ARID5A: variants seen among roughly 807,000 people sequenced by gnomAD.
ARID5A encodes AT-rich interactive domain-containing protein 5A.
In ARID5A, 14 loss-of-function variants were observed where a neutral mutation model predicts 30.5. The ratio of observed to expected loss-of-function variants is 0.46; its 90% CI spans 0.30 to 0.72. The LOEUF is 0.72. Ranked by LOEUF, ARID5A falls within the 30% of genes least tolerant of loss-of-function variation. The pLI is 0.07. For missense variants in ARID5A, 669 were observed against 786.2 expected, an observed-to-expected ratio of 0.85 and a Z score of 1.78; for synonymous variants, 338 against 340.4, an observed-to-expected ratio of 0.99 and a Z score of 0.08.
In ARID5A at chr2:96,550,477, T is replaced by TCGG. The variant is rs2066014344; in HGVS notation, c.411-94_411-92dup. 2 of 1,467,530 alleles carry TCGG rather than the reference T, an allele frequency of 1.4e-6. No individual in the cohort carries two copies. The allele number at this position is 1,467,530 out of a possible 1,614,324, so 90.9% of individuals were successfully genotyped here. On this transcript the variant is annotated intron_variant, in intron 5 of 6. Coordinates refer to ENST00000357485, the MANE Select transcript of ARID5A (RefSeq NM_212481.3). The surrounding 1 kb of genome is among the most constrained non-coding windows in gnomAD (Gnocchi z 6.6). ...CTTTGGGACCAGGAGAGGGCCTTCC[T>TCGG]CGGCGCCGGCGGGGAAGGGGGCTCA...
intron 1 of ARID5A, among the ~76,000 whole-genome samples, chr2:96,541,773 G>A (rs2065849347): frequency 6.6e-6 from 1 of 152,144 alleles, no homozygotes; most frequent in African/African-American, 2.4e-5. Context: ...TTTTGCATTT[G>A]ATCCCCCACT....
chr2:96,537,780 C>T lies in ARID5A; in HGVS notation c.4+950C>T, dbSNP rs1459033902. Reference sequence around the variant, plus strand: ...GCCCGGGCTGGGGTCGCGTCACCCTCCGCCCAGCGCCGGCGTGGTGGGGCT... The same window carrying T: ...GCCCGGGCTGGGGTCGCGTCACCCTTCGCCCAGCGCCGGCGTGGTGGGGCT... On this transcript the variant is annotated intron_variant, in intron 1 of 6. Transcript: ENST00000357485. This position sits in a 1 kb window ranked among gnomAD's most constrained non-coding sequence, Gnocchi z 4.8. The T allele has an allele frequency of 1.1e-6, 1 of 872,934 alleles. No individual in the cohort carries two copies. The highest frequency in any genetic ancestry group is 1.2e-4 in the East Asian group (1 of 8,290). 54.1% of individuals were successfully genotyped at this position (872,934 alleles called of 1,614,324 possible).
chr2:96,550,461 C>T lies in ARID5A; in HGVS notation c.411-113C>T, dbSNP rs921485341. The stretch of plus-strand genomic sequence containing the variant: ...ACTGAGGGAGCTGAAGCTTTGGGAC[C>T]AGGAGAGGGCCTTCCTCGGCGCCGG... On this transcript the variant is annotated intron_variant, in intron 5 of 6. Transcript: ENST00000357485. The surrounding 1 kb of genome is among the most constrained non-coding windows in gnomAD (Gnocchi z 6.6). 6.9e-7 allele frequency: 1 copy of T among 1,451,062 alleles called. No individual in the cohort carries two copies. The highest frequency in any genetic ancestry group is 9.1e-7 in the Non-Finnish European group (1 of 1,100,884). 89.9% of individuals were successfully genotyped at this position (1,451,062 alleles called of 1,614,324 possible). A position where few individuals can be genotyped will look rare whatever the true frequency, so the allele number is the denominator to read the frequency against.
Position 96,549,530 on chromosome 2 carries a change from G to A in ARID5A, c.259+71G>A. On this transcript the variant is annotated intron_variant, in intron 3 of 6. Transcript: ENST00000357485. The surrounding 1 kb of genome is among the most constrained non-coding windows in gnomAD (Gnocchi z 6.1). The stretch of plus-strand genomic sequence containing the variant: ...CCCGCCCAGGCAGGGCATCGGGCAG[G>A]CACTCCCACTCTGGGTGACCCAGGT... The A allele has an allele frequency of 6.3e-7, 1 of 1,578,176 alleles. No homozygotes were observed.
At chr2:96,545,327 T>C (rs890392674) in intron 1 of ARID5A, among the ~76,000 whole-genome samples, 4 of 151,878 alleles carry the variant, frequency 2.6e-5, no homozygotes, top group Non-Finnish European at 5.9e-5. Flanking sequence ...CAGCTGACTT[T>C]TGTGTTTTTA....
Position 96,550,499 on chromosome 2 carries a change from C to T in ARID5A, c.411-75C>T. ...TCCTCGGCGCCGGCGGGGAAGGGGG[C>T]TCAGAGGAGGCTACAGAGGCCCAGG... On this transcript the variant is annotated intron_variant, in intron 5 of 6. Coordinates refer to ENST00000357485, the MANE Select transcript of ARID5A (RefSeq NM_212481.3). This position sits in a 1 kb window ranked among gnomAD's most constrained non-coding sequence, Gnocchi z 6.6. 6.7e-7 allele frequency: 1 copy of T among 1,499,042 alleles called. No homozygotes were observed. The allele number at this position is 1,499,042 out of a possible 1,614,324, so 92.9% of individuals were successfully genotyped here. A position where few individuals can be genotyped will look rare whatever the true frequency, so the allele number is the denominator to read the frequency against.
At chr2:96,547,551 C>G (rs1222819671) in intron 2 of ARID5A, 34 bp downstream of exon 2, 1 of 1,592,918 alleles carries the variant, frequency 6.3e-7, no homozygotes, top group South Asian at 1.1e-5. Flanking sequence ...TCCCTGGGCA[C>G]TCTTCCCTGC....
At position 96,551,133 on chromosome 2, in the gene ARID5A, A is replaced by C. The variant is rs930507298; in HGVS notation, c.605A>C (p.Asp202Ala). ...MPGKTKADAA[D>A]PAPLPSQEPP... ...GGAAAGACCAAAGCAGATGCTGCTGACCCAGCACCACTTCCCAGCCAGGAG... is the reference window on the plus strand; with the variant it reads ...GGAAAGACCAAAGCAGATGCTGCTGCCCCAGCACCACTTCCCAGCCAGGAG... Residue 202 changes from aspartate (D) to alanine (A), a missense_variant, in exon 7 of 7, where the codon GAC becomes GCC. By Grantham distance (126) the Asp-to-Ala change is moderately radical. This residue lies in a region of ARID5A where 548 missense variants were observed against 577.4 expected (regional missense o/e 0.95). Coordinates refer to ENST00000357485, the MANE Select transcript of ARID5A (RefSeq NM_212481.3). The C allele has an allele frequency of 5.6e-6, 9 of 1,613,270 alleles. No individual in the cohort carries two copies. In the African/African-American group the frequency reaches 9.3e-5, roughly 17 times the overall value.
In ARID5A at chr2:96,552,279, C is replaced by T. The variant is rs144844064; in HGVS notation, c.1751C>T (p.Ala584Val). 74 of 1,612,948 alleles carry T rather than the reference C, an allele frequency of 4.6e-5. No homozygotes were observed. Among genetic ancestry groups the T allele is most frequent in the Admixed American group, 6.7e-5 (4 of 59,976 alleles). Reference protein sequence around the residue: ...WHAPPVTTYAAPHFFHLNTKL With the variant: ...WHAPPVTTYAVPHFFHLNTKL ...GCACCACCAGTCACAACCTATGCAG[C>T]GCCCCACTTCTTCCACCTCAACACC... The change falls in exon 7 of 7, where the codon GCG (alanine) becomes GTG (valine). Residue 584 changes from alanine to valine, a missense_variant. Physicochemically the swap from Ala to Val is moderately conservative, Grantham distance 64. This residue lies in a region of ARID5A where 548 missense variants were observed against 577.4 expected (regional missense o/e 0.95). Coordinates refer to ENST00000357485, the MANE Select transcript of ARID5A (RefSeq NM_212481.3).
chr2:96,549,935 C>A lies in ARID5A; in HGVS notation c.312+130C>A. The A allele has an allele frequency of 6.5e-7, 1 of 1,527,696 alleles. No individual in the cohort carries two copies. Among genetic ancestry groups the A allele is most frequent in the Admixed American group, 2.0e-5 (1 of 48,904 alleles). The allele number at this position is 1,527,696 out of a possible 1,614,324, so 94.6% of individuals were successfully genotyped here. On this transcript the variant is annotated intron_variant, in intron 4 of 6. Transcript: ENST00000357485. This position sits in a 1 kb window ranked among gnomAD's most constrained non-coding sequence, Gnocchi z 6.1. ...TACCCCTGCGTCCCTGCCTCCCTGC[C>A]TTCCCCGCTGGTACTCTGCTGCTCA... is the stretch of plus-strand genomic sequence containing the variant.
chr2:96,546,755 A>T (rs1163428348), intron 1 of ARID5A, among the ~76,000 whole-genome samples: 1 of 152,112 alleles, frequency 6.6e-6, no homozygotes, highest in East Asian at 1.9e-4. Context: ...GGCAGTTAGA[A>T]CTCTGCAGAT....
At chr2:96,536,944 G>C (rs2065743601) in intron 1 of ARID5A, 114 bp downstream of exon 1, 5 of 1,181,890 alleles carry the variant, frequency 4.2e-6, no homozygotes, top group Non-Finnish European at 5.3e-6. Flanking sequence ...GCTGTGTGGG[G>C]CGGAGAGGGG....
In ARID5A at chr2:96,551,538, C is replaced by A. The variant is rs1209559312; in HGVS notation, c.1010C>A (p.Ala337Asp). The A allele has an allele frequency of 4.4e-6, 7 of 1,605,848 alleles. No individual in the cohort carries two copies. In the South Asian group the frequency reaches 5.6e-5, roughly 13 times the overall value. The stretch of plus-strand genomic sequence containing the variant: ...GCGCAGGCAGGCCCCTGCCCGGCAG[C>A]CCCCATCTTCAAGGGCTGCTTCTAC... ...EEAQAGPCPAAPIFKGCFYTH... is the reference protein window; with the variant it reads ...EEAQAGPCPADPIFKGCFYTH... Residue 337 changes from alanine (A) to aspartate (D), a missense_variant, in exon 7 of 7, where the codon GCC becomes GAC. By Grantham distance (126) the Ala-to-Asp change is moderately radical. Around this residue, in one of 4 missense-constraint regions of ARID5A, gnomAD observed 548 missense variants for 577.4 expected, o/e 0.95. Coordinates refer to ENST00000357485, the MANE Select transcript of ARID5A (RefSeq NM_212481.3).
chr2:96,552,591 G>A lies in ARID5A; in HGVS notation c.*278G>A. The A allele has an allele frequency of 6.8e-7, 1 of 1,476,100 alleles. No homozygotes were observed. Among genetic ancestry groups the A allele is most frequent in the Non-Finnish European group, 9.0e-7 (1 of 1,115,398 alleles). The allele number at this position is 1,476,100 out of a possible 1,614,324, so 91.4% of individuals were successfully genotyped here. A position where few individuals can be genotyped will look rare whatever the true frequency, so the allele number is the denominator to read the frequency against. On this transcript the variant is annotated 3_prime_UTR_variant, in exon 7 of 7. Transcript: ENST00000357485. ...CCAGAGCGGAGCTCGAAGCACCCAG[G>A]TTGCCCACGGAAAATCCAATAAAAA...
At chr2:96,536,921 T>C in intron 1 of ARID5A, 91 bp downstream of exon 1, 1 of 1,214,658 alleles carries the variant, frequency 8.2e-7, no homozygotes, top group Non-Finnish European at 1.0e-6. Context: ...CCAGCCCTCG[T>C]GGCAGTCGGT....
At chr2:96,541,967 T>A (rs2065853240) in intron 1 of ARID5A, among the ~76,000 whole-genome samples, 1 of 152,134 alleles carries the variant, frequency 6.6e-6, no homozygotes, top group Non-Finnish European at 1.5e-5. Context: ...ATAAGCCTTT[T>A]CCCTCCTCCA....
chr2:96,551,901 G>C lies in ARID5A; in HGVS notation c.1373G>C (p.Arg458Thr). The C allele has an allele frequency of 6.5e-7, 1 of 1,545,710 alleles. No homozygotes were observed. The highest frequency in any genetic ancestry group is 8.7e-7 in the Non-Finnish European group (1 of 1,149,066). ...GAGGGTGCTGCCCACAGTGGGAAGA[G>C]ACTGCGGGCCGTGTCTCCCTTTCTT... ...EEEGAAHSGK[R>T]LRAVSPFLKE... Residue 458 changes from arginine (R) to threonine (T), a missense_variant, in exon 7 of 7, where the codon AGA (arginine) becomes ACA (threonine). By Grantham distance (71) the Arg-to-Thr change is moderately conservative (BLOSUM62 -1). Transcript: ENST00000357485.
chr2:96,550,965 C>T lies in ARID5A; in HGVS notation c.571-134C>T, dbSNP rs1197634410. ...TGTGTCCACTCAGAGGACAGGGCAC[C>T]TTTGGAAAATTCTGTACAGAGGACT... On this transcript the variant is annotated intron_variant, in intron 6 of 6. Coordinates refer to ENST00000357485, the MANE Select transcript of ARID5A (RefSeq NM_212481.3). This position sits in a 1 kb window ranked among gnomAD's most constrained non-coding sequence, Gnocchi z 6.6. 3.2e-6 allele frequency: 4 copies of T among 1,267,626 alleles called. No individual in the cohort carries two copies. The highest frequency in any genetic ancestry group is 4.6e-5 in the Admixed American group (2 of 43,762). The allele number at this position is 1,267,626 out of a possible 1,614,324, so 78.5% of individuals were successfully genotyped here.
chr2:96,543,386 G>C (rs1408031085), intron 1 of ARID5A, among the ~76,000 whole-genome samples: 1 of 151,660 alleles, frequency 6.6e-6, no homozygotes, highest in African/African-American at 2.4e-5. Flanking sequence ...TTTACTCATT[G>C]AAGGTTTGTG....
Sources: gnomAD v4.1 joint callset for allele counts (sites outside exome capture counted in the v4.1 genomes callset) on GRCh38, gnomAD v4.1.1 for gene constraint, gnomAD v4.1.1 regional missense constraint, Gnocchi (gnomAD v3.1) non-coding constraint, MANE v1.5 for transcripts, NCBI Gene and HGNC (gene_info 2026-07-23, HGNC 2026-07-21) for gene names.